Variants in MCC observed in about 807,000 individuals in gnomAD.
MCC encodes MCC regulator of Wnt signaling pathway.
A neutral mutation model predicts 116.2 loss-of-function variants in MCC; 90 were observed. That is an observed-to-expected ratio of 0.77 (90% CI 0.65 to 0.92). MCC has a LOEUF of 0.92. MCC is among the 40% of genes least tolerant of loss of function. The probability of loss-of-function intolerance (pLI) is 0.00; values close to 1 mark genes in which losing one functional copy is unlikely to be tolerated. For synonymous variants in MCC, 578 were observed against 510.5 expected (o/e 1.13, Z -1.78); for missense variants, 1,516 against 1,312.2 (o/e 1.16, Z -2.40).
intron 1 of MCC, among the ~76,000 whole-genome samples, chr5:113,429,483 A>T (rs1362974167): frequency 6.6e-6 from 1 of 152,198 alleles, no homozygotes; most frequent in Non-Finnish European, 1.5e-5. Context: ...GCCAGGGCTG[A>T]CTAAGATAGG....
intron 3 of MCC, among the ~76,000 whole-genome samples, chr5:113,180,282 TATA>T (rs1761554683): frequency 6.6e-6 from 1 of 152,208 alleles, no homozygotes; most frequent in African/African-American, 2.4e-5. Flanking sequence ...GCTTCCAATT[TATA>T]ATAATAATCT....
At chr5:113,272,377 C>A (rs1052741102) in intron 3 of MCC, among the ~76,000 whole-genome samples, 1 of 152,096 alleles carries the variant, frequency 6.6e-6, no homozygotes, top group Non-Finnish European at 1.5e-5. Context: ...TTCTTTTAAT[C>A]TCAGAGGAGC....
chr5:113,444,479 T>A (rs1045878389), intron 1 of MCC, among the ~76,000 whole-genome samples: 13 of 152,230 alleles, frequency 8.5e-5, no homozygotes, highest in African/African-American at 2.9e-4. Context: ...ATCTGCGGTC[T>A]ACATGTCCTA....
At chr5:113,107,388 TTA>T (rs1016575452) in intron 6 of MCC, among the ~76,000 whole-genome samples, 2 of 152,108 alleles carry the variant, frequency 1.3e-5, no homozygotes, top group African/African-American at 4.8e-5. Flanking sequence ...TAGCTAATTT[TTA>T]TATTTTTAGT....
chr5:113,156,707 T>C (rs973301916), intron 3 of MCC, among the ~76,000 whole-genome samples: 6 of 152,150 alleles, frequency 3.9e-5, no homozygotes, highest in African/African-American at 1.2e-4. Flanking sequence ...AGGATATAGA[T>C]CCACACATTC....
intron 15 of MCC, among the ~76,000 whole-genome samples, chr5:113,052,252 G>A (rs1752533451): frequency 6.6e-6 from 1 of 152,304 alleles, no homozygotes; most frequent in East Asian, 1.9e-4. Context: ...TGGAACAAAT[G>A]ATGGAAGGGT....
chr5:113,075,856 G>A (rs1306408623), intron 11 of MCC, among the ~76,000 whole-genome samples: 1 of 152,138 alleles, frequency 6.6e-6, no homozygotes, highest in Non-Finnish European at 1.5e-5. Context: ...CACTCAACGT[G>A]AAGGTCTGCA....
intron 2 of MCC, among the ~76,000 whole-genome samples, chr5:113,377,405 G>C (rs1051391991): frequency 1.3e-5 from 2 of 152,118 alleles, no homozygotes; most frequent in African/African-American, 2.4e-5. Flanking sequence ...ATGGTTAGGA[G>C]TCTTGACATC....
chr5:113,042,152 AATT>A (rs1751749171), intron 17 of MCC, among the ~76,000 whole-genome samples: 1 of 152,054 alleles, frequency 6.6e-6, no homozygotes, highest in Non-Finnish European at 1.5e-5. Flanking sequence ...GAAGAAACAG[AATT>A]AATACAGCAG....
chr5:113,084,191 C>G lies in MCC; in HGVS notation c.1546-1G>C, dbSNP rs746910114. ...TTGATAGCTTCACCCTCTCAGCAAT[C>G]TTAAAAAAGAAAACAAAACATTATA... is the stretch of plus-strand genomic sequence containing the variant. On this transcript the variant is annotated splice_acceptor_variant, in intron 9 of 18. Transcript: ENST00000408903. LOFTEE classifies it high-confidence loss of function. The G allele has an allele frequency of 6.2e-7, 1 of 1,613,086 alleles. No individual in the cohort carries two copies. The highest frequency in any genetic ancestry group is 8.5e-7 in the Non-Finnish European group (1 of 1,179,156).
intron 16 of MCC, 28 bp downstream of exon 16, chr5:113,049,065 G>C (rs755847295): frequency 4.3e-6 from 7 of 1,611,062 alleles, no homozygotes; most frequent in South Asian, 2.2e-5. Flanking sequence ...CTGAGCCTAA[G>C]GGTGTCCCCA....
chr5:113,437,509 T>C (rs190044809), intron 1 of MCC, among the ~76,000 whole-genome samples: 5 of 152,312 alleles, frequency 3.3e-5, no homozygotes, highest in Admixed American at 2.6e-4. Flanking sequence ...TGTAGAAATA[T>C]TGTATCTAAA....
intron 3 of MCC, among the ~76,000 whole-genome samples, chr5:113,292,181 G>A (rs772843179): frequency 5.9e-5 from 9 of 152,074 alleles, no homozygotes; most frequent in Non-Finnish European, 1.0e-4. Context: ...GCAGTGAGCC[G>A]AGATTGCACC....
intron 1 of MCC, among the ~76,000 whole-genome samples, chr5:113,409,877 C>T (rs1769932330): frequency 6.6e-6 from 1 of 151,962 alleles, no homozygotes; most frequent in Non-Finnish European, 1.5e-5. Flanking sequence ...AACATATGCT[C>T]ACTATAAAAT....
intron 17 of MCC, among the ~76,000 whole-genome samples, chr5:113,042,538 C>G (rs1751787208): frequency 1.4e-5 from 2 of 144,336 alleles, no homozygotes; most frequent in African/African-American, 5.1e-5. Flanking sequence ...ATGCATATCA[C>G]TAAAAAAGAG....
chr5:113,023,266 G>A lies in MCC; in HGVS notation c.*4036C>T, dbSNP rs775761065. 1.3e-5 allele frequency: 2 copies of A among 152,174 alleles called. No homozygotes were observed. Among genetic ancestry groups the A allele is most frequent in the African/African-American group, 4.8e-5 (2 of 41,434 alleles). 9.4% of individuals were successfully genotyped at this position (152,174 alleles called of 1,614,324 possible). A position where few individuals can be genotyped will look rare whatever the true frequency, so the allele number is the denominator to read the frequency against. ...AGGATGTGGATAAACTTTAAGAACTGGATAGTGAAGGCGTAACTTTTGTTT... is the reference window on the plus strand; with the variant it reads ...AGGATGTGGATAAACTTTAAGAACTAGATAGTGAAGGCGTAACTTTTGTTT... On this transcript the variant is annotated 3_prime_UTR_variant, in exon 19 of 19. Transcript: ENST00000408903.
intron 3 of MCC, among the ~76,000 whole-genome samples, chr5:113,233,901 T>C (rs1764033683): frequency 6.6e-6 from 1 of 152,062 alleles, no homozygotes; most frequent in African/African-American, 2.4e-5. Flanking sequence ...TGCTCTTAAA[T>C]GGAAAAGAAC....
At chr5:113,094,750 C>T (rs762969567) in intron 8 of MCC, among the ~76,000 whole-genome samples, 2 of 152,174 alleles carry the variant, frequency 1.3e-5, no homozygotes, top group African/African-American at 4.8e-5. Flanking sequence ...AGCTTTTTGA[C>T]AAATTGAGTC....
chr5:113,104,771 G>A (rs1486270363), intron 6 of MCC: 1 of 157,514 alleles, frequency 6.3e-6, no homozygotes, highest in Non-Finnish European at 1.4e-5. Context: ...GAGATGCTAG[G>A]TATTTTGAAA....
Sources: gnomAD v4.1 joint callset for allele counts (sites outside exome capture counted in the v4.1 genomes callset) on GRCh38, gnomAD v4.1.1 for gene constraint, MANE v1.5 for transcripts, NCBI Gene and HGNC (gene_info 2026-07-23, HGNC 2026-07-21) for gene names.